Variants in LAMA4 observed in about 807,000 individuals in gnomAD.
LAMA4 encodes laminin subunit alpha-4.
In LAMA4, 127 loss-of-function variants were observed where a neutral mutation model predicts 207.1. That is an observed-to-expected ratio of 0.61 (90% CI 0.53 to 0.71). LAMA4 has a LOEUF of 0.71. Ranked by LOEUF, LAMA4 falls within the 30% of genes least tolerant of loss-of-function variation. LAMA4 has a pLI of 0.00. For synonymous variants in LAMA4, 761 were observed against 816.0 expected (o/e 0.93, Z 1.15); for missense variants, 2,093 against 2,246.5 (o/e 0.93, Z 1.38).
intron 14 of LAMA4, among the ~76,000 whole-genome samples, 155 bp downstream of exon 14, chr6:112,158,577 G>GAACC (rs1325517239): frequency 7.9e-5 from 12 of 151,534 alleles, no homozygotes; most frequent in Admixed American, 2.0e-4. Context: ...AGCAACCAAG[G>GAACC]AACCAACCAA....
rs781908015 is a variant in LAMA4 at position 112,142,137 on chromosome 6, C to T, written c.2649G>A (p.Leu883=). ...TGCTTACGTTTTTGCTTCCGAGGTA[C>T]AGGATAAACTGATCTGCAGTCTCGG... ...ELTETADQFI[L]YLGSKNAKKE... is the part of the protein sequence containing the mutation. The change falls in exon 20 of 39, where the codon CTG becomes CTA. Residue 883 remains leucine (L), a synonymous_variant. Transcript: ENST00000230538. The T allele has an allele frequency of 1.2e-6, 2 of 1,614,066 alleles. No individual in the cohort carries two copies. Among genetic ancestry groups the T allele is most frequent in the Non-Finnish European group, 1.7e-6 (2 of 1,179,986 alleles).
intron 2 of LAMA4, among the ~76,000 whole-genome samples, chr6:112,251,825 C>T (rs1235194242): frequency 1.3e-5 from 2 of 152,170 alleles, no homozygotes; most frequent in Non-Finnish European, 2.9e-5. Flanking sequence ...TTTGACCTTC[C>T]TGGAATGACT....
chr6:112,178,394 A>G lies in LAMA4; in HGVS notation c.1078-162T>C, dbSNP rs1782148655. The G allele has an allele frequency of 9.3e-6, 6 of 644,566 alleles. No homozygotes were observed. In the East Asian group the frequency reaches 1.7e-4, roughly 18 times the overall value. 39.9% of individuals were successfully genotyped at this position (644,566 alleles called of 1,614,324 possible). On this transcript the variant is annotated intron_variant, in intron 9 of 38. Coordinates refer to ENST00000230538, the MANE Select transcript of LAMA4 (RefSeq NM_001105206.3). The stretch of plus-strand genomic sequence containing the variant: ...AATCATCCCAAAAATAATGCATGAA[A>G]GGTAATGTGATGGCCAGTTTTACTT...
rs782711566 is a variant in LAMA4, at chr6:112,165,261, C to A, written c.1567G>T (p.Val523Leu). The change falls in exon 13 of 39, where the codon GTG becomes TTG. Residue 523 changes from valine (V) to leucine (L), a missense_variant. Val to Leu is a conservative substitution (Grantham distance 32). Coordinates refer to ENST00000230538, the MANE Select transcript of LAMA4 (RefSeq NM_001105206.3). ...QRDHEKQQERVREQMEVVNMS... is the reference protein window; with the variant it reads ...QRDHEKQQERLREQMEVVNMS... ...TTCACCACTTCCATTTGTTCCCTCA[C>A]TCTTTCCTGTTGTTTCTGCGGGAAG... The A allele has an allele frequency of 1.7e-5, 27 of 1,611,830 alleles. No homozygotes were observed. The South Asian group carries it at 2.9e-4, about 17-fold the overall frequency.
intron 2 of LAMA4, among the ~76,000 whole-genome samples, chr6:112,226,853 G>C (rs1785242137): frequency 6.6e-6 from 1 of 151,982 alleles, no homozygotes; most frequent in Non-Finnish European, 1.5e-5. Context: ...CAGTTGCAAA[G>C]GAGAAACAGT....
chr6:112,185,271 C>T lies in LAMA4; in HGVS notation c.1043G>A (p.Ser348Asn). The T allele has an allele frequency of 6.2e-7, 1 of 1,612,860 alleles. No individual in the cohort carries two copies. Among genetic ancestry groups the T allele is most frequent in the Non-Finnish European group, 8.5e-7 (1 of 1,178,840 alleles). Reference sequence around the variant, plus strand: ...TAATTCCTCTACGTCAGACAGAAGGCTTTTCATCGTGTTCTCAGCATTGTT... The same window carrying T: ...TAATTCCTCTACGTCAGACAGAAGGTTTTTCATCGTGTTCTCAGCATTGTT... ...QINNAENTMK[S>N]LLSDVEELVE... The change falls in exon 9 of 39, where the codon AGC (serine) becomes AAC (asparagine). Residue 348 changes from serine (S) to asparagine (N), a missense_variant. This residue lies in a region of LAMA4 where 1,704 missense variants were observed against 1,788.4 expected (regional missense o/e 0.95). Coordinates refer to ENST00000230538, the MANE Select transcript of LAMA4 (RefSeq NM_001105206.3).
intron 27 of LAMA4, 61 bp downstream of exon 27, chr6:112,133,288 C>T (rs569766506): frequency 5.8e-5 from 92 of 1,581,760 alleles, no homozygotes; most frequent in Non-Finnish European, 7.6e-5. Context: ...AGAACTTTTC[C>T]AGCTTTTGAG....
intron 14 of LAMA4, 67 bp from the exon 15 acceptor site, chr6:112,155,773 C>G: frequency 6.5e-7 from 1 of 1,549,524 alleles, no homozygotes; most frequent in Non-Finnish European, 8.9e-7. Flanking sequence ...ATGTTTAATG[C>G]TTGCTTTTTA....
chr6:112,218,053 C>T (rs1312707407), intron 2 of LAMA4: 1 of 152,040 alleles, frequency 6.6e-6, no homozygotes, highest in East Asian at 1.9e-4. Flanking sequence ...AATAATGTAC[C>T]TAAAACTTCT....
At chr6:112,140,944 A>G in intron 21 of LAMA4, 22 bp from the exon 22 acceptor site, 1 of 1,589,370 alleles carries the variant, frequency 6.3e-7, no homozygotes, top group South Asian at 1.1e-5. Flanking sequence ...AATAATTTTC[A>G]CTTGTTATTA....
At chr6:112,162,965 CTTTTTT>C (rs34824903) in intron 13 of LAMA4, among the ~76,000 whole-genome samples, 3 of 91,246 alleles carry the variant, frequency 3.3e-5, no homozygotes, top group African/African-American at 4.6e-5. Flanking sequence ...CAGCTCAAAT[CTTTTTT>C]TTTTTTTTTT....
In LAMA4 at chr6:112,120,276, A is replaced by G. The variant is rs751477013; in HGVS notation, c.4665+7T>C. 9.9e-6 allele frequency: 16 copies of G among 1,612,228 alleles called. No individual in the cohort carries two copies. Among genetic ancestry groups the G allele is most frequent in the Non-Finnish European group, 1.4e-5 (16 of 1,179,064 alleles). On this transcript the variant is annotated splice_region_variant and intron_variant, in intron 33 of 38. Transcript: ENST00000230538. ...GCTGGTAATGCTGTTCTCTGCCTTC[A>G]ACTTACATCATGCCACAGGCCATCA... is the stretch of plus-strand genomic sequence containing the variant.
intron 29 of LAMA4, 109 bp from the exon 30 acceptor site, chr6:112,130,149 T>C: frequency 1.1e-6 from 1 of 919,876 alleles, no homozygotes; most frequent in South Asian, 1.4e-5. Context: ...GAACATGTGG[T>C]TAATGAAAAG....
chr6:112,140,152 C>T (rs1554332734), intron 22 of LAMA4, among the ~76,000 whole-genome samples: 1 of 152,176 alleles, frequency 6.6e-6, no homozygotes, highest in African/African-American at 2.4e-5. Context: ...AAAATCAGTC[C>T]TTGCGCCAGC....
intron 5 of LAMA4, 98 bp downstream of exon 5, chr6:112,201,510 C>T: frequency 4.9e-6 from 5 of 1,010,688 alleles, no homozygotes; most frequent in Non-Finnish European, 7.9e-6. Flanking sequence ...GCATCTCCTT[C>T]AGGACCCACT....
At chr6:112,196,804 T>G (rs1554350628) in intron 5 of LAMA4, among the ~76,000 whole-genome samples, 1 of 152,180 alleles carries the variant, frequency 6.6e-6, no homozygotes. Flanking sequence ...ACATGAAAAG[T>G]GCTGTTGCTA....
intron 12 of LAMA4, among the ~76,000 whole-genome samples, chr6:112,168,341 T>C (rs1583780830): frequency 7.6e-6 from 1 of 131,606 alleles, no homozygotes; most frequent in African/African-American, 2.6e-5. Context: ...TGGCAGCTAG[T>C]GTTCTTTTTT....
At chr6:112,186,859 T>A (rs944771021) in intron 8 of LAMA4, 2 of 455,644 alleles carry the variant, frequency 4.4e-6, no homozygotes, top group Non-Finnish European at 8.8e-6. Context: ...TTTTGTTTTT[T>A]AATCTGTTGG....
chr6:112,108,307 TC>T lies in LAMA4; in HGVS notation c.*1129del, dbSNP rs1257077123. Among the ~76,000 whole-genome samples, 3 of 152,212 alleles carry T rather than the reference TC, an allele frequency of 2.0e-5. No homozygotes were observed. Among genetic ancestry groups the T allele is most frequent in the African/African-American group, 7.2e-5 (3 of 41,454 alleles). On this transcript the variant is annotated 3_prime_UTR_variant, in exon 39 of 39. Transcript: ENST00000230538. ...TTATTTCATTTCTATATTTTAATAT[TC>T]TACCAGCTATTCAAGTCCATTTTTT...
Sources: gnomAD v4.1 joint callset for allele counts (sites outside exome capture counted in the v4.1 genomes callset) on GRCh38, gnomAD v4.1.1 for gene constraint, gnomAD v4.1.1 regional missense constraint, MANE v1.5 for transcripts, NCBI Gene and HGNC (gene_info 2026-07-23, HGNC 2026-07-21) for gene names.